The following UACA variants were observed in gnomAD, a reference collection of about 807,000 sequenced individuals.
UACA encodes nuclear membrane binding protein.
Under a neutral mutation model 160.5 loss-of-function variants are expected in UACA, and 112 were observed. The observed-to-expected ratio is 0.70, with a 90% CI of 0.60 to 0.82. The LOEUF is 0.82. UACA is among the 40% of genes least tolerant of loss of function. The probability of loss-of-function intolerance (pLI) is 0.00; values close to 1 mark genes in which losing one functional copy is unlikely to be tolerated. For synonymous variants in UACA, 557 were observed against 568.4 expected (o/e 0.98, Z 0.29); for missense variants, 1,574 against 1,614.6 (o/e 0.97, Z 0.43).
intron 1 of UACA, among the ~76,000 whole-genome samples, chr15:70,720,925 C>T (rs1343618756): frequency 6.6e-6 from 1 of 152,160 alleles, no homozygotes; most frequent in African/African-American, 2.4e-5. Context: ...ATTCTGCTCA[C>T]TACCATGAAA....
chr15:70,743,607 T>C (rs1226912534), intron 1 of UACA, among the ~76,000 whole-genome samples: 2 of 152,200 alleles, frequency 1.3e-5, no homozygotes, highest in Non-Finnish European at 2.9e-5. Context: ...AAAACAATTA[T>C]GCAAATTTCA....
intron 16 of UACA, 27 bp from the exon 17 acceptor site, chr15:70,664,841 A>G (rs1469918270): frequency 6.9e-6 from 11 of 1,591,758 alleles, no homozygotes; most frequent in Non-Finnish European, 9.4e-6. Flanking sequence ...TAGGAGAAAT[A>G]TATTATTCAC....
chr15:70,775,245 G>A, the UACA span, among the ~76,000 whole-genome samples: 16 of 152,122 alleles, frequency 1.1e-4, no homozygotes, highest in African/African-American at 3.6e-4. Context: ...TATAGCAATC[G>A]TCAATTTCAA....
At chr15:70,729,897 G>A (rs1221144585) in intron 1 of UACA, among the ~76,000 whole-genome samples, 13 of 116,484 alleles carry the variant, frequency 1.1e-4, no homozygotes, top group South Asian at 2.8e-4. Flanking sequence ...CACCTCACAC[G>A]GCAGGGTATT....
At chr15:70,710,838 C>T (rs781624251) in intron 1 of UACA, among the ~76,000 whole-genome samples, 4 of 152,226 alleles carry the variant, frequency 2.6e-5, no homozygotes, top group Non-Finnish European at 5.9e-5. Context: ...AACCAGGAAG[C>T]TCTCTGAACC....
chr15:70,706,867 C>T (rs1340734790), intron 1 of UACA, among the ~76,000 whole-genome samples: 1 of 152,140 alleles, frequency 6.6e-6, no homozygotes, highest in East Asian at 1.9e-4. Flanking sequence ...GTCAATACCA[C>T]CCAAGGCAAT....
In UACA at chr15:70,656,816, C is replaced by T; in HGVS notation, c.*240G>A. The T allele has an allele frequency of 2.6e-6, 1 of 381,926 alleles. No individual in the cohort carries two copies. Among genetic ancestry groups the T allele is most frequent in the East Asian group, 4.1e-5 (1 of 24,310 alleles). 23.7% of individuals were successfully genotyped at this position (381,926 alleles called of 1,614,324 possible). ...AAGGTTTAAAAATATGTAGTCAATC[C>T]AGGGCAAAGTTATGTTGTTTGCCTA... On this transcript the variant is annotated 3_prime_UTR_variant, in exon 19 of 19. Transcript: ENST00000322954.
At position 70,655,890 on chromosome 15, in the gene UACA, A is replaced by G. The variant is rs2140871988; in HGVS notation, c.*1166T>C. 1 of 152,354 alleles carries G rather than the reference A, an allele frequency of 6.6e-6. No homozygotes were observed. Among genetic ancestry groups the G allele is most frequent in the African/African-American group, 2.4e-5 (1 of 41,594 alleles). The allele number at this position is 152,354 out of a possible 1,614,324, so 9.4% of individuals were successfully genotyped here. A position where few individuals can be genotyped will look rare whatever the true frequency, so the allele number is the denominator to read the frequency against. On this transcript the variant is annotated 3_prime_UTR_variant, in exon 19 of 19. Transcript: ENST00000322954. Reference sequence around the variant, plus strand: ...TTTATTCAGTTATTTGTTAATACTCAAATTAGTAATTTTCACTCTGAATGG... The same window carrying G: ...TTTATTCAGTTATTTGTTAATACTCGAATTAGTAATTTTCACTCTGAATGG...
intron 1 of UACA, among the ~76,000 whole-genome samples, chr15:70,744,265 AAAAG>A (rs1566997346): frequency 1.3e-5 from 2 of 148,920 alleles, no homozygotes; most frequent in Non-Finnish European, 3.0e-5. Flanking sequence ...AAAAAAAAAA[AAAAG>A]AAAGAAAAAC....
intron 1 of UACA, among the ~76,000 whole-genome samples, chr15:70,756,817 G>A (rs1159107442): frequency 6.6e-6 from 1 of 152,182 alleles, no homozygotes; most frequent in South Asian, 2.1e-4. Flanking sequence ...AGGTTGCAGT[G>A]AGCAGAGATC....
chr15:70,737,709 AAAAATAAAAT>A (rs550968633), intron 1 of UACA, among the ~76,000 whole-genome samples: 5 of 152,292 alleles, frequency 3.3e-5, no homozygotes, highest in South Asian at 4.2e-4. Flanking sequence ...CTCCATCTCA[AAAAATAAAAT>A]AAAATAAAAT....
Position 70,655,809 on chromosome 15 carries a change from A to G in UACA, c.*1247T>C, listed in dbSNP as rs938720605. On this transcript the variant is annotated 3_prime_UTR_variant, in exon 19 of 19. Coordinates refer to ENST00000322954, the MANE Select transcript of UACA (RefSeq NM_018003.4). ...TTAAAAATCTGGTTCGGGATGTTCA[A>G]AGATAATTGCTAAGGCAAATTTTGC... 49 of 152,368 alleles carry G rather than the reference A, an allele frequency of 3.2e-4. No individual in the cohort carries two copies. Among genetic ancestry groups the G allele is most frequent in the African/African-American group, 1.2e-3 (48 of 41,586 alleles). 9.4% of individuals were successfully genotyped at this position (152,368 alleles called of 1,614,324 possible). A position where few individuals can be genotyped will look rare whatever the true frequency, so the allele number is the denominator to read the frequency against.
intron 7 of UACA, 35 bp downstream of exon 7, chr15:70,687,505 C>T: frequency 6.3e-7 from 1 of 1,599,788 alleles, no homozygotes. Context: ...CCTGTGTATC[C>T]AGCTGGTATC....
intron 1 of UACA, among the ~76,000 whole-genome samples, chr15:70,713,159 A>C (rs1371555281): frequency 6.6e-6 from 1 of 152,148 alleles, no homozygotes. Flanking sequence ...CCTGGCTAAC[A>C]CAGTGATGTA....
rs537169088 is a variant in UACA at position 70,674,271 on chromosome 15, A to G, written c.1131+2222T>C. 6.0e-4 allele frequency among the ~76,000 whole-genome samples: 91 copies of G among 152,322 alleles called. No individual in the cohort carries two copies. In the Middle Eastern group the frequency reaches 0.02, roughly 34 times the overall value. On this transcript the variant is annotated intron_variant, in intron 13 of 18. Transcript: ENST00000322954. ...AAAATCATATCTAGCATAAAATTTC[A>G]TCACAATGAATACGTAGTGACTGAG...
intron 1 of UACA, among the ~76,000 whole-genome samples, chr15:70,723,869 T>A (rs4777302): frequency 6.6e-6 from 1 of 152,200 alleles, no homozygotes; most frequent in South Asian, 2.1e-4. Context: ...CCTGACCTCA[T>A]GATCCACCCG....
At chr15:70,759,689 T>C (rs1025589207) in intron 1 of UACA, among the ~76,000 whole-genome samples, 1 of 152,120 alleles carries the variant, frequency 6.6e-6, no homozygotes, top group African/African-American at 2.4e-5. Context: ...AATGTAACAA[T>C]AAAAACACTC....
intron 1 of UACA, among the ~76,000 whole-genome samples, chr15:70,711,743 T>C (rs923288348): frequency 5.3e-5 from 8 of 152,062 alleles, no homozygotes; most frequent in African/African-American, 1.4e-4. Flanking sequence ...CAGATACATA[T>C]ATAAACATGC....
chr15:70,770,172 T>C, the UACA span, among the ~76,000 whole-genome samples: 1 of 152,226 alleles, frequency 6.6e-6, no homozygotes, highest in Admixed American at 6.5e-5. Context: ...ATTTTCTGCA[T>C]GCTCCTTCTT....
Sources: gnomAD v4.1 joint callset for allele counts (sites outside exome capture counted in the v4.1 genomes callset) on GRCh38, gnomAD v4.1.1 for gene constraint, MANE v1.5 for transcripts, NCBI Gene and HGNC (gene_info 2026-07-23, HGNC 2026-07-21) for gene names.